Variants in NRG3 observed in about 807,000 individuals in gnomAD.
The protein encoded by NRG3 is neuregulin 3.
NRG3 carries 31 observed loss-of-function variants against 66.9 expected under a neutral mutation model. The observed-to-expected ratio is 0.46, with a 90% CI of 0.35 to 0.63. NRG3 has a LOEUF of 0.63. Ranked by LOEUF, NRG3 falls within the 20% of genes least tolerant of loss-of-function variation. The probability of loss-of-function intolerance (pLI) is 0.00; values close to 1 mark genes in which losing one functional copy is unlikely to be tolerated. For missense variants in NRG3, 910 were observed against 878.9 expected (o/e 1.04, Z -0.45); for synonymous variants, 393 against 359.4 (o/e 1.09, Z -1.06).
intron 1 of NRG3, among the ~76,000 whole-genome samples, chr10:82,060,208 A>G (rs990884380): frequency 6.6e-6 from 1 of 152,220 alleles, no homozygotes; most frequent in Admixed American, 6.5e-5. Flanking sequence ...ATCTCCTTAT[A>G]TGAAGGCATG....
At chr10:82,292,043 GA>G (rs1451194010) in intron 1 of NRG3, among the ~76,000 whole-genome samples, 4 of 152,068 alleles carry the variant, frequency 2.6e-5, no homozygotes, top group African/African-American at 9.7e-5. Context: ...ACAAAGTAAA[GA>G]CTGGGGGAAA....
chr10:82,062,776 A>T (rs1176561419), intron 1 of NRG3, among the ~76,000 whole-genome samples: 1 of 152,038 alleles, frequency 6.6e-6, no homozygotes, highest in African/African-American at 2.4e-5. Context: ...GAAACCAAAA[A>T]TGAAGGGAAG....
At chr10:82,811,344 C>G (rs189396279) in intron 3 of NRG3, among the ~76,000 whole-genome samples, 1 of 152,306 alleles carries the variant, frequency 6.6e-6, no homozygotes, top group Non-Finnish European at 1.5e-5. Context: ...GTTGAATAAA[C>G]AAAAGGGCAG....
intron 1 of NRG3, among the ~76,000 whole-genome samples, chr10:82,035,452 T>C (rs1405109563): frequency 6.6e-6 from 1 of 152,146 alleles, no homozygotes; most frequent in African/African-American, 2.4e-5. Context: ...AAGTAGAAAA[T>C]TTGTATCCTC....
chr10:82,061,856 C>G (rs2064162940), intron 1 of NRG3, among the ~76,000 whole-genome samples: 1 of 149,112 alleles, frequency 6.7e-6, no homozygotes, highest in Non-Finnish European at 1.5e-5. Context: ...CTCTCTCTCT[C>G]TCTCTCACAC....
chr10:82,640,896 C>T (rs988995402), intron 2 of NRG3, among the ~76,000 whole-genome samples: 3 of 151,862 alleles, frequency 2.0e-5, no homozygotes, highest in Non-Finnish European at 4.4e-5. Flanking sequence ...CAAATGCTTA[C>T]ATTCTTTTGA....
chr10:82,886,630 C>T (rs1219392958), intron 4 of NRG3, among the ~76,000 whole-genome samples: 1 of 152,180 alleles, frequency 6.6e-6, no homozygotes, highest in Non-Finnish European at 1.5e-5. Context: ...AGGATCCTAG[C>T]ACACTGTGGC....
chr10:82,708,165 T>A (rs1438860543), intron 2 of NRG3, among the ~76,000 whole-genome samples: 1 of 152,222 alleles, frequency 6.6e-6, no homozygotes, highest in Non-Finnish European at 1.5e-5. Flanking sequence ...CTGCTATTTT[T>A]TCCGTTTATT....
At chr10:82,409,504 A>C (rs1287630054) in intron 2 of NRG3, among the ~76,000 whole-genome samples, 7 of 152,164 alleles carry the variant, frequency 4.6e-5, no homozygotes, top group Admixed American at 4.6e-4. Context: ...GGTAGAAAAT[A>C]TTAATAGTAG....
At chr10:82,065,572 A>T (rs2064407776) in intron 1 of NRG3, among the ~76,000 whole-genome samples, 1 of 152,186 alleles carries the variant, frequency 6.6e-6, no homozygotes, top group African/African-American at 2.4e-5. Context: ...TGTTAAAAAA[A>T]AATTTGCTGA....
At chr10:82,279,491 C>G (rs1019191868) in intron 1 of NRG3, among the ~76,000 whole-genome samples, 12 of 152,186 alleles carry the variant, frequency 7.9e-5, no homozygotes, top group Middle Eastern at 3.2e-3. Flanking sequence ...ATAAACACTT[C>G]ATGAAGATTA....
chr10:82,192,146 C>T (rs2074181170), intron 1 of NRG3, among the ~76,000 whole-genome samples: 1 of 152,152 alleles, frequency 6.6e-6, no homozygotes, highest in Non-Finnish European at 1.5e-5. Context: ...CAGACTCCCC[C>T]TTCTGATTGT....
intron 3 of NRG3, among the ~76,000 whole-genome samples, chr10:82,833,820 G>A (rs1347054705): frequency 6.6e-6 from 1 of 152,066 alleles, no homozygotes; most frequent in Non-Finnish European, 1.5e-5. Context: ...AAATTATCTG[G>A]AAAGAGTGAG....
chr10:81,884,949 T>C (rs892367287), intron 1 of NRG3, among the ~76,000 whole-genome samples: 6 of 152,196 alleles, frequency 3.9e-5, no homozygotes, highest in Non-Finnish European at 8.8e-5. Context: ...ACATTTAACA[T>C]GAAATCTATC....
intron 1 of NRG3, among the ~76,000 whole-genome samples, chr10:81,884,131 G>C (rs1198748214): frequency 6.6e-6 from 1 of 152,170 alleles, no homozygotes; most frequent in Admixed American, 6.5e-5. Context: ...TAATCAAGAA[G>C]ACTGGAGGAG....
At chr10:81,892,549 T>C (rs1244484741) in intron 1 of NRG3, among the ~76,000 whole-genome samples, 1 of 151,992 alleles carries the variant, frequency 6.6e-6, no homozygotes, top group African/African-American at 2.4e-5. Flanking sequence ...CGAAAGGCAA[T>C]ATTTCCTGTT....
At chr10:82,615,207 A>G (rs2048566866) in intron 2 of NRG3, among the ~76,000 whole-genome samples, 1 of 152,202 alleles carries the variant, frequency 6.6e-6, no homozygotes, top group Non-Finnish European at 1.5e-5. Flanking sequence ...CAGTCAGTCT[A>G]GACTAGACAT....
intron 1 of NRG3, among the ~76,000 whole-genome samples, chr10:82,279,230 T>C (rs1023387455): frequency 1.3e-5 from 2 of 152,180 alleles, no homozygotes; most frequent in African/African-American, 4.8e-5. Flanking sequence ...TGACTCAAAC[T>C]GTGCTGAGGG....
chr10:82,228,333 G>A (rs931170095), intron 1 of NRG3, among the ~76,000 whole-genome samples: 2 of 152,094 alleles, frequency 1.3e-5, no homozygotes, highest in African/African-American at 4.8e-5. Context: ...ATTAATTTCT[G>A]ACATATTGTA....
Sources: gnomAD v4.1 joint callset for allele counts (sites outside exome capture counted in the v4.1 genomes callset) on GRCh38, gnomAD v4.1.1 for gene constraint, MANE v1.5 for transcripts, NCBI Gene and HGNC (gene_info 2026-07-23, HGNC 2026-07-21) for gene names.